The following SLC23A2 variants were observed in gnomAD, a reference collection of about 807,000 sequenced individuals.
SLC23A2 encodes the protein Na(+)/L-ascorbic acid transporter 2.
Under a neutral mutation model 73.3 loss-of-function variants are expected in SLC23A2, and 36 were observed. The observed-to-expected ratio is 0.49, with a 90% CI of 0.38 to 0.65. SLC23A2 has a LOEUF of 0.65. SLC23A2 is among the 30% of genes least tolerant of loss of function. The probability of loss-of-function intolerance (pLI) is 0.00; values close to 1 mark genes in which losing one functional copy is unlikely to be tolerated. For synonymous variants in SLC23A2, 343 were observed against 327.3 expected (o/e 1.05, Z -0.52); for missense variants, 507 against 841.6 (o/e 0.60, Z 4.92).
At chr20:4,885,578 T>C (rs1931065529) in intron 7 of SLC23A2, among the ~76,000 whole-genome samples, 1 of 152,200 alleles carries the variant, frequency 6.6e-6, no homozygotes, top group Non-Finnish European at 1.5e-5. Context: ...TCAATTTCAT[T>C]AACATAGAGA....
At chr20:4,881,864 G>A (rs6116565) in intron 9 of SLC23A2, among the ~76,000 whole-genome samples, 6,186 of 152,026 alleles carry the variant, frequency 0.041, 422 homozygotes, top group African/African-American at 0.14. Flanking sequence ...TTTCCTCTCT[G>A]AGAGTGATTT....
At chr20:4,877,288 G>A (rs1930698760) in intron 9 of SLC23A2, among the ~76,000 whole-genome samples, 1 of 152,074 alleles carries the variant, frequency 6.6e-6, no homozygotes, top group Non-Finnish European at 1.5e-5. Context: ...TCACGTTGAG[G>A]TATATATTTC....
intron 15 of SLC23A2, among the ~76,000 whole-genome samples, chr20:4,860,403 C>T (rs887321881): frequency 7.2e-5 from 11 of 152,138 alleles, no homozygotes; most frequent in African/African-American, 1.4e-4. Context: ...TCTGTCATAC[C>T]GTGTGCTTTC....
intron 9 of SLC23A2, among the ~76,000 whole-genome samples, chr20:4,878,899 G>A (rs1401027366): frequency 3.3e-5 from 5 of 152,154 alleles, no homozygotes; most frequent in African/African-American, 1.2e-4. Context: ...TTCCTCTACA[G>A]GCAAGTCACC....
intron 2 of SLC23A2, among the ~76,000 whole-genome samples, chr20:4,944,670 G>A (rs2087090441): frequency 6.6e-6 from 1 of 152,196 alleles, no homozygotes; most frequent in African/African-American, 2.4e-5. Context: ...CCAGACAGGG[G>A]AAGAATATGA....
At chr20:4,973,389 C>T (rs1277246579) in intron 1 of SLC23A2, among the ~76,000 whole-genome samples, 1 of 152,136 alleles carries the variant, frequency 6.6e-6, no homozygotes, top group Non-Finnish European at 1.5e-5. Flanking sequence ...AATGGGGAAG[C>T]GAAAGTACTA....
At chr20:4,926,240 A>G (rs950126857) in intron 3 of SLC23A2, among the ~76,000 whole-genome samples, 2 of 152,190 alleles carry the variant, frequency 1.3e-5, no homozygotes, top group African/African-American at 4.8e-5. Context: ...TGATACCCAA[A>G]TATTCTCACA....
At chr20:5,010,008 T>C (rs1052634915) in intron 1 of SLC23A2, among the ~76,000 whole-genome samples, 17 of 144,500 alleles carry the variant, frequency 1.2e-4, no homozygotes, top group Non-Finnish European at 2.5e-4. Flanking sequence ...GGCAGGAGAA[T>C]GGACTGAACC....
intron 3 of SLC23A2, among the ~76,000 whole-genome samples, chr20:4,931,988 C>T (rs1932795837): frequency 6.6e-6 from 1 of 152,154 alleles, no homozygotes; most frequent in Non-Finnish European, 1.5e-5. Flanking sequence ...TGTGTGTAAT[C>T]AGCCTTATCT....
At chr20:4,894,629 T>C (rs1403782590) in intron 6 of SLC23A2, among the ~76,000 whole-genome samples, 1 of 152,222 alleles carries the variant, frequency 6.6e-6, no homozygotes, top group Non-Finnish European at 1.5e-5. Flanking sequence ...TGGGTAGTTC[T>C]ATTTAGGTCT....
rs1377455560 is a variant in SLC23A2 at position 4,883,380 on chromosome 20, C to A, written c.824+262G>T. ...AAGTCAAAAACAAATGGCGCCACTA[C>A]CTTACCCCACTACCAAAGCTTAAAA... On this transcript the variant is annotated intron_variant, in intron 9 of 16. Transcript: ENST00000338244. This position sits in a 1 kb window ranked among gnomAD's most constrained non-coding sequence, Gnocchi z 4.5. Among the ~76,000 whole-genome samples the A allele has an allele frequency of 1.3e-5, 2 of 152,152 alleles. No individual in the cohort carries two copies. The highest frequency in any genetic ancestry group is 4.8e-5 in the African/African-American group (2 of 41,428).
chr20:5,006,153 A>C (rs1434326123), upstream of SLC23A2, among the ~76,000 whole-genome samples: 2 of 151,926 alleles, frequency 1.3e-5, no homozygotes, highest in Non-Finnish European at 2.9e-5. Flanking sequence ...GCTGGAGTGC[A>C]GTGGTGGGAT....
upstream of SLC23A2, among the ~76,000 whole-genome samples, chr20:5,001,815 T>C (rs1250217382): frequency 1.3e-5 from 2 of 152,078 alleles, no homozygotes; most frequent in African/African-American, 4.8e-5. Flanking sequence ...CTGAGTGTCC[T>C]GGTCCAGGTC....
intron 1 of SLC23A2, among the ~76,000 whole-genome samples, chr20:4,978,072 C>T (rs567205540): frequency 9.2e-5 from 14 of 152,222 alleles, no homozygotes; most frequent in African/African-American, 3.1e-4. Flanking sequence ...TCCTAATTTA[C>T]TCCCGTATTA....
At chr20:4,959,592 G>A (rs2087347520) in intron 2 of SLC23A2, among the ~76,000 whole-genome samples, 1 of 152,042 alleles carries the variant, frequency 6.6e-6, no homozygotes, top group African/African-American at 2.4e-5. Context: ...CAACCTCCCG[G>A]GCTCAAGTGA....
intron 13 of SLC23A2, 62 bp downstream of exon 13, chr20:4,867,708 T>A: frequency 1.1e-6 from 1 of 893,424 alleles, no homozygotes; most frequent in Non-Finnish European, 1.8e-6. Context: ...AGTGGCCAGA[T>A]CGATCAATGA....
intron 3 of SLC23A2, among the ~76,000 whole-genome samples, chr20:4,925,724 T>C (rs1932649375): frequency 6.6e-6 from 1 of 152,216 alleles, no homozygotes; most frequent in Admixed American, 6.5e-5. Flanking sequence ...TCCACTGTAC[T>C]CTGCACTAAA....
rs531228149 is a variant in SLC23A2 at position 4,855,819 on chromosome 20, T to C, written c.*1153A>G. On this transcript the variant is annotated 3_prime_UTR_variant, in exon 17 of 17. Transcript: ENST00000338244. The stretch of plus-strand genomic sequence containing the variant: ...CGGTCCAGTAGTCAGTTTTGATAAA[T>C]AGATTAGGCATTACAGTATTTACAC... The C allele has an allele frequency of 6.5e-6, 1 of 152,726 alleles. No homozygotes were observed. The highest frequency in any genetic ancestry group is 1.9e-4 in the East Asian group (1 of 5,178). 9.5% of individuals were successfully genotyped at this position (152,726 alleles called of 1,614,324 possible).
Position 4,982,282 on chromosome 20 carries a change from C to T in SLC23A2, c.-281-11363G>A, listed in dbSNP as rs117813024. On this transcript the variant is annotated intron_variant, in intron 1 of 16. Coordinates refer to ENST00000338244, the MANE Select transcript of SLC23A2 (RefSeq NM_005116.6). ...CACTGGGATTACAGGCGTGAGCCAC[C>T]GTGCCCGGACGATGGCAATTTCTTA... Among the ~76,000 whole-genome samples, 1,178 of 152,326 alleles carry T rather than the reference C, an allele frequency of 7.7e-3. 5 individuals are homozygous for T. The highest frequency in any genetic ancestry group is 0.013 in the Non-Finnish European group (854 of 68,028).
Sources: gnomAD v4.1 joint callset for allele counts (sites outside exome capture counted in the v4.1 genomes callset) on GRCh38, gnomAD v4.1.1 for gene constraint, Gnocchi (gnomAD v3.1) non-coding constraint, MANE v1.5 for transcripts, NCBI Gene and HGNC (gene_info 2026-07-23, HGNC 2026-07-21) for gene names.